The following SPOCK1 variants were observed in gnomAD, a reference collection of about 807,000 sequenced individuals.
SPOCK1 encodes the protein SPARC (osteonectin), cwcv and kazal like domains proteoglycan 1.
In SPOCK1, 23 loss-of-function variants were observed where a neutral mutation model predicts 55.3. The ratio of observed to expected loss-of-function variants is 0.42; its 90% CI spans 0.30 to 0.59. The LOEUF is 0.59. SPOCK1 is among the 20% of genes least tolerant of loss of function. The probability of loss-of-function intolerance (pLI) is 0.22; values close to 1 mark genes in which losing one functional copy is unlikely to be tolerated. For missense variants in SPOCK1, 499 were observed against 552.5 expected, an observed-to-expected ratio of 0.90 and a Z score of 0.97; for synonymous variants, 226 against 221.0, an observed-to-expected ratio of 1.02 and a Z score of -0.20.
intron 2 of SPOCK1, among the ~76,000 whole-genome samples, chr5:137,378,273 A>G (rs1199992204): frequency 1.3e-5 from 2 of 152,188 alleles, no homozygotes; most frequent in African/African-American, 4.8e-5. Flanking sequence ...TTTGTTCTGC[A>G]TGAGAATTGC....
intron 6 of SPOCK1, among the ~76,000 whole-genome samples, chr5:137,016,825 T>C (rs941490973): frequency 3.3e-5 from 5 of 152,266 alleles, no homozygotes; most frequent in Admixed American, 3.3e-4. Flanking sequence ...CAGCCTACTA[T>C]GGCCTCACGT....
chr5:137,408,897 T>C (rs192458394), intron 2 of SPOCK1, among the ~76,000 whole-genome samples: 18 of 152,292 alleles, frequency 1.2e-4, no homozygotes, highest in Admixed American at 9.1e-4. Context: ...ACCAAAAAAA[T>C]GGGAGGATAA....
At chr5:137,131,989 A>AATATATATAT (rs869252723) in intron 4 of SPOCK1, among the ~76,000 whole-genome samples, 2 of 36,054 alleles carry the variant, frequency 5.5e-5, no homozygotes, top group African/African-American at 1.8e-4. Context: ...AAAAAAAAAA[A>AATATATATAT]ATATATATAT....
intron 6 of SPOCK1, among the ~76,000 whole-genome samples, chr5:137,035,127 GA>G (rs1751857512): frequency 6.6e-6 from 1 of 152,170 alleles, no homozygotes; most frequent in Non-Finnish European, 1.5e-5. Context: ...GTTAGCACCT[GA>G]ATTTAAATCA....
chr5:137,023,622 TGTGCTACCGATGGACAGAAG>T (rs1249999205), intron 6 of SPOCK1, among the ~76,000 whole-genome samples: 6 of 152,180 alleles, frequency 3.9e-5, no homozygotes, highest in Non-Finnish European at 8.8e-5. Context: ...AGAATCAAAT[TGTGCTACCGATGGACAGAAG>T]GTGCCATGAG....
intron 2 of SPOCK1, among the ~76,000 whole-genome samples, chr5:137,492,289 A>G (rs1754198284): frequency 6.6e-6 from 1 of 152,226 alleles, no homozygotes; most frequent in Non-Finnish European, 1.5e-5. Flanking sequence ...AAATCTGACA[A>G]GTCTCAGTTC....
intron 2 of SPOCK1, among the ~76,000 whole-genome samples, chr5:137,445,576 C>T (rs773432909): frequency 2.0e-5 from 3 of 152,186 alleles, no homozygotes; most frequent in Non-Finnish European, 4.4e-5. Context: ...AAGTTGAATG[C>T]AAACATTATT....
intron 2 of SPOCK1, among the ~76,000 whole-genome samples, chr5:137,356,665 C>T (rs1750807645): frequency 1.3e-5 from 2 of 150,652 alleles, no homozygotes; most frequent in South Asian, 2.1e-4. Context: ...GTGGCACATG[C>T]CTGTAATCCC....
At chr5:137,456,669 G>A (rs1753374673) in intron 2 of SPOCK1, among the ~76,000 whole-genome samples, 1 of 152,186 alleles carries the variant, frequency 6.6e-6, no homozygotes. Flanking sequence ...TGTCCTCAAG[G>A]AGGTAATAAT....
At chr5:137,393,814 T>C (rs1025684309) in intron 2 of SPOCK1, among the ~76,000 whole-genome samples, 1 of 152,220 alleles carries the variant, frequency 6.6e-6, no homozygotes, top group Non-Finnish European at 1.5e-5. Context: ...GAACATTGTA[T>C]ACACATAATA....
chr5:137,222,132 C>T (rs1755868185), intron 3 of SPOCK1, among the ~76,000 whole-genome samples: 1 of 152,186 alleles, frequency 6.6e-6, no homozygotes, highest in Non-Finnish European at 1.5e-5. Context: ...ATACATACGC[C>T]ATCAGGAGAG....
At chr5:137,183,601 C>T (rs989747059) in intron 3 of SPOCK1, among the ~76,000 whole-genome samples, 10 of 152,196 alleles carry the variant, frequency 6.6e-5, no homozygotes, top group Non-Finnish European at 1.2e-4. Flanking sequence ...ACTTTTGCAG[C>T]CTGTTTGGCA....
chr5:136,975,995 A>G lies in SPOCK1; in HGVS notation c.*2659T>C, dbSNP rs1007676420. 2.6e-5 allele frequency: 4 copies of G among 152,206 alleles called. No homozygotes were observed. The highest frequency in any genetic ancestry group is 6.5e-5 in the Admixed American group (1 of 15,282). 9.4% of individuals were successfully genotyped at this position (152,206 alleles called of 1,614,324 possible). A position where few individuals can be genotyped will look rare whatever the true frequency, so the allele number is the denominator to read the frequency against. ...TCAAATGAGGAAGTGGTTTATTACA[A>G]TATTTTTATAATCAGTATTTTATGT... is the stretch of plus-strand genomic sequence containing the variant. On this transcript the variant is annotated 3_prime_UTR_variant, in exon 11 of 11. Transcript: ENST00000394945.
rs765012453 is a variant in SPOCK1, at chr5:137,498,489, G to A, written c.70C>T (p.Leu24=). Residue 24 remains leucine (L), a synonymous_variant, in exon 2 of 11, where the codon CTG becomes TTG. Coordinates refer to ENST00000394945, the MANE Select transcript of SPOCK1 (RefSeq NM_004598.4). ...CCCGCGCCTCCGGCGAGCGCGTCCA[G>A]GTGCCGGCTCTCGACTTGGAGGAAG... ...WCFLQVESRH[L]DALAGGAGPN... The A allele has an allele frequency of 1.3e-6, 2 of 1,594,394 alleles. No individual in the cohort carries two copies. Among genetic ancestry groups the A allele is most frequent in the East Asian group, 4.6e-5 (2 of 43,928 alleles).
At chr5:137,354,505 G>T (rs956845813) in intron 2 of SPOCK1, among the ~76,000 whole-genome samples, 1 of 152,048 alleles carries the variant, frequency 6.6e-6, no homozygotes, top group Non-Finnish European at 1.5e-5. Flanking sequence ...ACTTCTCTCT[G>T]CCACCCCCAA....
At chr5:137,132,478 T>G (rs1334608661) in intron 4 of SPOCK1, among the ~76,000 whole-genome samples, 1 of 152,176 alleles carries the variant, frequency 6.6e-6, no homozygotes, top group African/African-American at 2.4e-5. Context: ...TAAGCAAGGA[T>G]ACCAATAAAT....
At chr5:137,055,056 T>C (rs1752275338) in intron 6 of SPOCK1, among the ~76,000 whole-genome samples, 1 of 151,982 alleles carries the variant, frequency 6.6e-6, no homozygotes, top group Non-Finnish European at 1.5e-5. Context: ...TATAGAAACG[T>C]ACTCAGCAAT....
At chr5:137,308,963 G>A (rs1279398999) in intron 2 of SPOCK1, among the ~76,000 whole-genome samples, 1 of 152,000 alleles carries the variant, frequency 6.6e-6, no homozygotes, top group Non-Finnish European at 1.5e-5. Context: ...AAAAATGACT[G>A]GAGAAATATA....
chr5:137,356,838 T>TATATATAGAGAGAGAG (rs1554077335), intron 2 of SPOCK1, among the ~76,000 whole-genome samples: 1 of 5,456 alleles, frequency 1.8e-4, no homozygotes, highest in Non-Finnish European at 3.1e-4. Context: ...TATATATATA[T>TATATATAGAGAGAGAG]AGAGAGAGAG....
Sources: allele counts gnomAD v4.1 joint callset (sites outside exome capture counted in the v4.1 genomes callset), GRCh38; gene constraint gnomAD v4.1.1; transcripts MANE v1.5; gene names NCBI Gene and HGNC (gene_info 2026-07-23, HGNC 2026-07-21).